ACACA: variants seen among roughly 807,000 people sequenced by gnomAD.
ACACA encodes the protein acetyl-CoA carboxylase alpha.
Under a neutral mutation model 296.1 loss-of-function variants are expected in ACACA, and 103 were observed. That is an observed-to-expected ratio of 0.35 (90% CI 0.30 to 0.41). ACACA has a LOEUF of 0.41. ACACA is among the 10% of genes least tolerant of loss of function. The pLI is 1.00. For synonymous variants in ACACA, 953 were observed against 1,038.6 expected (o/e 0.92, Z 1.58); for missense variants, 1,554 against 2,989.7 (o/e 0.52, Z 11.20).
chr17:37,308,861 TGA>T (rs1393931989), intron 3 of ACACA, among the ~76,000 whole-genome samples: 1 of 152,132 alleles, frequency 6.6e-6, no homozygotes. Flanking sequence ...TGCTTGAACC[TGA>T]GAGGCGGAGG....
intron 1 of ACACA, among the ~76,000 whole-genome samples, chr17:37,366,429 T>C (rs2049604056): frequency 6.6e-6 from 1 of 152,086 alleles, no homozygotes; most frequent in African/African-American, 2.4e-5. Context: ...AAAATTTTCC[T>C]GTATGTGATA....
At chr17:37,118,304 T>C (rs1473534327) in intron 50 of ACACA, among the ~76,000 whole-genome samples, 1 of 152,182 alleles carries the variant, frequency 6.6e-6, no homozygotes, top group Non-Finnish European at 1.5e-5. Flanking sequence ...ATAGAGTTTA[T>C]GTTGAGGATG....
At position 37,113,729 on chromosome 17, in the gene ACACA, G is replaced by C. The variant is rs887162488; in HGVS notation, c.6275-464C>G. Among the ~76,000 whole-genome samples, 1 of 152,154 alleles carries C rather than the reference G, an allele frequency of 6.6e-6. No homozygotes were observed. Among genetic ancestry groups the C allele is most frequent in the African/African-American group, 2.4e-5 (1 of 41,428 alleles). On this transcript the variant is annotated intron_variant, in intron 50 of 55. Coordinates refer to ENST00000616317, the MANE Select transcript of ACACA (RefSeq NM_198834.3). This position sits in a 1 kb window ranked among gnomAD's most constrained non-coding sequence, Gnocchi z 4.0. ...TTCAAATGTGCACCTAATGGAAATT[G>C]ATCCTTTAAAAATTTTATCTTCAAA...
At chr17:37,357,207 A>G (rs2049182198) in intron 1 of ACACA, among the ~76,000 whole-genome samples, 1 of 152,150 alleles carries the variant, frequency 6.6e-6, no homozygotes, top group South Asian at 2.1e-4. Context: ...ATCAAAACAA[A>G]ACAAGCCTGG....
Position 37,277,128 on chromosome 17 carries a change from C to T in ACACA, c.721-14G>A, listed in dbSNP as rs1368312707. ...AGCCCACACTGCCTGCAAGGGAATA[C>T]AATATAATTCATTCTTAAAATTCAT... is the stretch of plus-strand genomic sequence containing the variant. On this transcript the variant is annotated splice_polypyrimidine_tract_variant and intron_variant, in intron 6 of 55. Transcript: ENST00000616317. 5 of 1,605,216 alleles carry T rather than the reference C, an allele frequency of 3.1e-6. No homozygotes were observed. The highest frequency in any genetic ancestry group is 3.3e-5 in the Admixed American group (2 of 59,986).
chr17:37,394,771 C>T (rs1025105131), intron 1 of ACACA, among the ~76,000 whole-genome samples: 2 of 150,420 alleles, frequency 1.3e-5, no homozygotes, highest in African/African-American at 4.9e-5. Context: ...CATCTGTAGT[C>T]CCAGCTACTA....
chr17:37,222,407 T>C (rs1015991037), intron 28 of ACACA, among the ~76,000 whole-genome samples: 2 of 152,182 alleles, frequency 1.3e-5, no homozygotes, highest in Admixed American at 6.5e-5. Flanking sequence ...TAATTTGACA[T>C]ATAATATCTC....
chr17:37,184,848 C>CAA (rs35132757), intron 39 of ACACA, among the ~76,000 whole-genome samples: 5 of 108,316 alleles, frequency 4.6e-5, no homozygotes, highest in African/African-American at 6.3e-5. Flanking sequence ...GACCCTGTCT[C>CAA]AAAAAAAAAA....
chr17:37,336,895 A>G (rs371210681), intron 2 of ACACA, among the ~76,000 whole-genome samples: 39 of 152,308 alleles, frequency 2.6e-4, no homozygotes, highest in African/African-American at 9.4e-4. Flanking sequence ...ACATGTGAAA[A>G]TTACATATGC....
chr17:37,313,231 C>T (rs2046933556), intron 3 of ACACA, among the ~76,000 whole-genome samples: 1 of 151,700 alleles, frequency 6.6e-6, no homozygotes, highest in Non-Finnish European at 1.5e-5. Flanking sequence ...ATCTGTGCAG[C>T]AAACCACCAT....
At chr17:37,187,958 T>G (rs980888047) in intron 39 of ACACA, among the ~76,000 whole-genome samples, 1 of 152,190 alleles carries the variant, frequency 6.6e-6, no homozygotes, top group African/African-American at 2.4e-5. Context: ...ATTAGATTGC[T>G]GAAATAACCC....
At chr17:37,136,421 T>C (rs886852671) in intron 45 of ACACA, among the ~76,000 whole-genome samples, 20 of 152,238 alleles carry the variant, frequency 1.3e-4, no homozygotes, top group Non-Finnish European at 2.2e-4. Flanking sequence ...TTCCATTTTA[T>C]GGAAGTACCA....
At chr17:37,260,288 ATATATATATTTTTTTTTTTT>A (rs2081434336) in intron 11 of ACACA, among the ~76,000 whole-genome samples, 1 of 24,044 alleles carries the variant, frequency 4.2e-5, no homozygotes, top group African/African-American at 1.9e-4. Flanking sequence ...ATATATATAT[ATATATATATTTTTTTTTTTT>A]TTTTTTTTGG....
chr17:37,340,827 TG>T (rs1421560983), intron 1 of ACACA, among the ~76,000 whole-genome samples: 1 of 152,172 alleles, frequency 6.6e-6, no homozygotes, highest in Non-Finnish European at 1.5e-5. Flanking sequence ...TGTCAAATAT[TG>T]CAAGTGACTG....
intron 1 of ACACA, among the ~76,000 whole-genome samples, chr17:37,378,525 C>G (rs1334106120): frequency 1.3e-5 from 2 of 151,994 alleles, no homozygotes; most frequent in African/African-American, 4.8e-5. Flanking sequence ...CTAGCCTGAC[C>G]AACATAGTGA....
At chr17:37,353,637 TAAAAAAAA>T (rs1169088763) in intron 1 of ACACA, among the ~76,000 whole-genome samples, 4 of 56,662 alleles carry the variant, frequency 7.1e-5, no homozygotes, top group East Asian at 6.1e-4. Flanking sequence ...AGACTCCGTC[TAAAAAAAA>T]AAAAAAAAAA....
At chr17:37,276,196 A>G (rs2082278646) in intron 7 of ACACA, 147 bp from the exon 8 acceptor site, 3 of 690,438 alleles carry the variant, frequency 4.3e-6, no homozygotes, top group Non-Finnish European at 7.8e-6. Context: ...AATTATGGGG[A>G]CTATTATGCT....
chr17:37,284,854 T>TTTCC lies in ACACA; in HGVS notation c.451_454dup (p.Asn152ArgfsTer3), dbSNP rs1261366425. On this transcript the variant is annotated frameshift_variant, in exon 4 of 56. Coordinates refer to ENST00000616317, the MANE Select transcript of ACACA (RefSeq NM_198834.3). LOFTEE classifies it high-confidence loss of function. ...ACAACTTACCTTCTCAATCACTTTA[T>TTTCC]TTCCCCCAAAGCGAGTAACAAATTC... 6 of 1,614,092 alleles carry TTTCC rather than the reference T, an allele frequency of 3.7e-6. No individual in the cohort carries two copies. The highest frequency in any genetic ancestry group is 5.1e-6 in the Non-Finnish European group (6 of 1,180,040).
At chr17:37,327,830 A>G (rs1456266435) in intron 3 of ACACA, among the ~76,000 whole-genome samples, 2 of 152,202 alleles carry the variant, frequency 1.3e-5, no homozygotes, top group African/African-American at 2.4e-5. Flanking sequence ...ATTATCTACT[A>G]TACCACAGAA....
Sources: gnomAD v4.1 joint callset for allele counts (sites outside exome capture counted in the v4.1 genomes callset) on GRCh38, gnomAD v4.1.1 for gene constraint, Gnocchi (gnomAD v3.1) non-coding constraint, MANE v1.5 for transcripts, NCBI Gene and HGNC (gene_info 2026-07-23, HGNC 2026-07-21) for gene names.